BAHCC1: variants seen among roughly 807,000 people sequenced by gnomAD.
BAHCC1 encodes BAH domain and coiled-coil containing 1.
In BAHCC1, 43 loss-of-function variants were observed where a neutral mutation model predicts 88.2. The ratio of observed to expected loss-of-function variants is 0.49; its 90% CI spans 0.38 to 0.63. The LOEUF is 0.63. BAHCC1 is among the 20% of genes least tolerant of loss of function. The pLI is 0.00. For synonymous variants in BAHCC1, 1,510 were observed against 745.5 expected, an observed-to-expected ratio of 2.03 and a Z score of -16.71; for missense variants, 3,023 against 1,654.8, an observed-to-expected ratio of 1.83 and a Z score of -14.34.
At chr17:81,425,112 T>G in intron 2 of BAHCC1, among the ~76,000 whole-genome samples, 1 of 135,478 alleles carries the variant, frequency 7.4e-6, no homozygotes, top group Non-Finnish European at 1.6e-5. Context: ...GTGGGTGATG[T>G]GGTTGGGGGT....
intron 14 of BAHCC1, among the ~76,000 whole-genome samples, chr17:81,453,312 G>T (rs1281562401): frequency 2.0e-5 from 3 of 152,248 alleles, no homozygotes; most frequent in African/African-American, 4.8e-5. Context: ...TCCCGGGCCT[G>T]GTATAATTGT....
rs868911260 is a variant in BAHCC1 at position 81,456,346 on chromosome 17, C to T, written c.4619C>T (p.Ser1540Phe). 1.4e-6 allele frequency: 1 copy of T among 723,922 alleles called. No individual in the cohort carries two copies. The allele number at this position is 723,922 out of a possible 1,614,324, so 44.8% of individuals were successfully genotyped here. The change falls in exon 16 of 28, where the codon TCC becomes TTC. Residue 1540 changes from serine (S) to phenylalanine (F), a missense_variant. Transcript: ENST00000675386. Reference protein sequence around the residue: ...KSSCQGGLAPSVAHRVAQLKP... With the variant: ...KSSCQGGLAPFVAHRVAQLKP... ...AGCTGTCAGGGCGGGCTGGCGCCCTCCGTGGCCCACAGGGTGGCCCAGCTG... is the reference window on the plus strand; with the variant it reads ...AGCTGTCAGGGCGGGCTGGCGCCCTTCGTGGCCCACAGGGTGGCCCAGCTG...
chr17:81,401,499 C>T (rs2063816425), intron 2 of BAHCC1: 1 of 152,828 alleles, frequency 6.5e-6, no homozygotes, highest in East Asian at 1.9e-4. Flanking sequence ...CTGTGGTTAT[C>T]AAGCTTGTCT....
rs2064506586 is a variant in BAHCC1, at chr17:81,445,443, C to T, written c.2925C>T (p.Pro975=). The T allele has an allele frequency of 1.3e-6, 1 of 769,820 alleles. No homozygotes were observed. The highest frequency in any genetic ancestry group is 2.5e-5 in the East Asian group (1 of 40,576). The allele number at this position is 769,820 out of a possible 1,614,324, so 47.7% of individuals were successfully genotyped here. A position where few individuals can be genotyped will look rare whatever the true frequency, so the allele number is the denominator to read the frequency against. ...CCCACAAGCCAGTTGCCTTAACCCC[C>T]ACGGCCCCGGGCGCCCCCTCACCCG... ...KSTHKPVALT[P]TAPGAPSPAA... The change falls in exon 10 of 28, where the codon CCC becomes CCT. Residue 975 remains proline (P), a synonymous_variant. Coordinates refer to ENST00000675386, the MANE Select transcript of BAHCC1 (RefSeq NM_001377448.1).
rs1555654135 is a variant in BAHCC1 at position 81,445,577 on chromosome 17, T to A, written c.3059T>A (p.Val1020Asp). Reference sequence around the variant, plus strand: ...CCCAGCGCCCCGTGCACTTTAAATGTCTGCCCTGCCAGCAGCCCCGGGCCT... The same window carrying A: ...CCCAGCGCCCCGTGCACTTTAAATGACTGCCCTGCCAGCAGCCCCGGGCCT... ...PRPSAPCTLN[V>D]CPASSPGPGS... Residue 1020 changes from valine to aspartate, a missense_variant, in exon 10 of 28, where the codon GTC becomes GAC. By Grantham distance (152) the Val-to-Asp change is radical. Coordinates refer to ENST00000675386, the MANE Select transcript of BAHCC1 (RefSeq NM_001377448.1). 1 of 724,294 alleles carries A rather than the reference T, an allele frequency of 1.4e-6. No homozygotes were observed. Among genetic ancestry groups the A allele is most frequent in the South Asian group, 1.5e-5 (1 of 67,920 alleles). The allele number at this position is 724,294 out of a possible 1,614,324, so 44.9% of individuals were successfully genotyped here. A position where few individuals can be genotyped will look rare whatever the true frequency, so the allele number is the denominator to read the frequency against.
rs1555653926 is a variant in BAHCC1 at position 81,445,022 on chromosome 17, C to T, written c.2679C>T (p.Val893=). The change falls in exon 9 of 28, where the codon GTC becomes GTT. Residue 893 remains valine, a synonymous_variant. Coordinates refer to ENST00000675386, the MANE Select transcript of BAHCC1 (RefSeq NM_001377448.1). ...PHSAPHALAD[V]MDQASLWPPM... ...CCTGGGCCCTGCCCACAGCGGATGTCATGGACCAGGCGTCACTGTGGCCCC... is the reference window on the plus strand; with the variant it reads ...CCTGGGCCCTGCCCACAGCGGATGTTATGGACCAGGCGTCACTGTGGCCCC... 3.9e-6 allele frequency: 3 copies of T among 762,470 alleles called. No individual in the cohort carries two copies. The highest frequency in any genetic ancestry group is 2.4e-6 in the Non-Finnish European group (1 of 411,992). 47.2% of individuals were successfully genotyped at this position (762,470 alleles called of 1,614,324 possible).
At chr17:81,430,820 C>T (rs1284579943) in intron 3 of BAHCC1, among the ~76,000 whole-genome samples, 1 of 152,162 alleles carries the variant, frequency 6.6e-6, no homozygotes, top group Non-Finnish European at 1.5e-5. Flanking sequence ...GTCTGTCTCC[C>T]ACAGGCCCGC....
In BAHCC1 at chr17:81,464,276, C is replaced by G; in HGVS notation, c.*459C>G. The G allele has an allele frequency of 4.0e-6, 1 of 251,686 alleles. No individual in the cohort carries two copies. 15.6% of individuals were successfully genotyped at this position (251,686 alleles called of 1,614,324 possible). On this transcript the variant is annotated 3_prime_UTR_variant, in exon 28 of 28. Coordinates refer to ENST00000675386, the MANE Select transcript of BAHCC1 (RefSeq NM_001377448.1). The stretch of plus-strand genomic sequence containing the variant: ...AAAGGGTTTTTCCCCATCCGCGTGA[C>G]AAGGTGTGTGTGAGCGTGTATGTGT...
chr17:81,457,071 G>T (rs782319198), intron 16 of BAHCC1, among the ~76,000 whole-genome samples: 2 of 152,182 alleles, frequency 1.3e-5, no homozygotes, highest in African/African-American at 2.4e-5. Context: ...GGCCGCTTGG[G>T]GCTGGGGGAG....
At chr17:81,398,189 TGAG>T (rs1366553219) in intron 1 of BAHCC1, among the ~76,000 whole-genome samples, 7 of 152,224 alleles carry the variant, frequency 4.6e-5, no homozygotes, top group African/African-American at 1.4e-4. Flanking sequence ...ATTTAGAAGA[TGAG>T]GAGTAATATG....
At position 81,448,914 on chromosome 17, in the gene BAHCC1, T is replaced by C. The variant is rs545047820; in HGVS notation, c.3976+1066T>C. On this transcript the variant is annotated intron_variant, in intron 11 of 27. Coordinates refer to ENST00000675386, the MANE Select transcript of BAHCC1 (RefSeq NM_001377448.1). ...TCCCTTGGGCCTCCAGCTGGCAATA[T>C]ATGAGAAGTTAGATAGGGCGAGGTG... Among the ~76,000 whole-genome samples the C allele has an allele frequency of 5.3e-5, 8 of 151,972 alleles. No homozygotes were observed. The East Asian group carries it at 1.2e-3, about 22-fold the overall frequency.
chr17:81,424,451 G>A (rs2064150466), intron 2 of BAHCC1, among the ~76,000 whole-genome samples: 1 of 152,250 alleles, frequency 6.6e-6, no homozygotes, highest in Admixed American at 6.5e-5. Context: ...CACAGACCCT[G>A]AAAGTTGATT....
At chr17:81,433,596 G>A (rs919302365) in intron 3 of BAHCC1, among the ~76,000 whole-genome samples, 37 of 147,178 alleles carry the variant, frequency 2.5e-4, no homozygotes, top group African/African-American at 5.4e-4. Context: ...CGAGGTCCCC[G>A]TGTGCTCAGG....
In BAHCC1 at chr17:81,458,248, C is replaced by CGGGCCCCAGGGCAGA. The variant is rs1228562047; in HGVS notation, c.5128_5142dup (p.Ala1710_Arg1714dup). ...GGCCAAGGTGGGCACCACCCTGGAG[C>CGGGCCCCAGGGCAGA]GGGCCCCAGGGCAGAGGCCCCCAGG... On this transcript the variant is annotated inframe_insertion, in exon 18 of 28. Transcript: ENST00000675386. 1.3e-6 allele frequency: 1 copy of CGGGCCCCAGGGCAGA among 740,898 alleles called. No individual in the cohort carries two copies. The highest frequency in any genetic ancestry group is 1.7e-5 in the African/African-American group (1 of 58,252). 45.9% of individuals were successfully genotyped at this position (740,898 alleles called of 1,614,324 possible). A position where few individuals can be genotyped will look rare whatever the true frequency, so the allele number is the denominator to read the frequency against.
chr17:81,397,520 G>C (rs2063758586), intron 1 of BAHCC1, among the ~76,000 whole-genome samples: 1 of 152,038 alleles, frequency 6.6e-6, no homozygotes, highest in African/African-American at 2.4e-5. Flanking sequence ...CGGCGCCTTT[G>C]AAGCTGCAGG....
rs958688351 is a variant in BAHCC1, at chr17:81,407,979, C to T, written c.178+8062C>T. 4.6e-5 allele frequency among the ~76,000 whole-genome samples: 7 copies of T among 152,230 alleles called. No homozygotes were observed. In the East Asian group the frequency reaches 1.2e-3, roughly 25 times the overall value. On this transcript the variant is annotated intron_variant, in intron 2 of 27. Coordinates refer to ENST00000675386, the MANE Select transcript of BAHCC1 (RefSeq NM_001377448.1). ...ACGTCCTCCCCAACTGCTCCATCCT[C>T]CGTCTCCTGGCTCCTGGTTCCTGGC...
intron 2 of BAHCC1, chr17:81,402,441 A>G (rs1456914855): frequency 1.3e-5 from 2 of 152,238 alleles, no homozygotes; most frequent in African/African-American, 4.8e-5. Flanking sequence ...TTAGAGAGAA[A>G]AAAGCATAAT....
At chr17:81,423,942 A>G (rs2064144438) in intron 2 of BAHCC1, among the ~76,000 whole-genome samples, 1 of 152,180 alleles carries the variant, frequency 6.6e-6, no homozygotes, top group Non-Finnish European at 1.5e-5. Flanking sequence ...AGTGCGGGGT[A>G]TCCTGGCGGT....
chr17:81,441,821 T>G lies in BAHCC1; in HGVS notation c.482-10T>G, dbSNP rs782329221. 1 of 635,844 alleles carries G rather than the reference T, an allele frequency of 1.6e-6. No homozygotes were observed. Among genetic ancestry groups the G allele is most frequent in the Non-Finnish European group, 2.9e-6 (1 of 345,586 alleles). The allele number at this position is 635,844 out of a possible 1,614,324, so 39.4% of individuals were successfully genotyped here. A position where few individuals can be genotyped will look rare whatever the true frequency, so the allele number is the denominator to read the frequency against. On this transcript the variant is annotated splice_polypyrimidine_tract_variant and intron_variant, in intron 4 of 27. Coordinates refer to ENST00000675386, the MANE Select transcript of BAHCC1 (RefSeq NM_001377448.1). ...AGGCCTCCCATTGACCTTGGCTCTTTCCCACACAGATAACTTCTACCTGCG... is the reference window on the plus strand; with the variant it reads ...AGGCCTCCCATTGACCTTGGCTCTTGCCCACACAGATAACTTCTACCTGCG...
Sources: allele counts gnomAD v4.1 joint callset (sites outside exome capture counted in the v4.1 genomes callset), GRCh38; gene constraint gnomAD v4.1.1; transcripts MANE v1.5; gene names NCBI Gene and HGNC (gene_info 2026-07-23, HGNC 2026-07-21).